Variants in PGM2 observed in about 807,000 individuals in gnomAD.
PGM2 encodes phosphopentomutase.
PGM2 carries 57 observed loss-of-function variants against 74.6 expected under a neutral mutation model. The ratio of observed to expected loss-of-function variants is 0.76; its 90% confidence interval spans 0.62 to 0.95. The LOEUF is 0.95. Ranked by LOEUF, PGM2 falls within the 40% of genes least tolerant of loss-of-function variation. The pLI, the probability that PGM2 is intolerant of heterozygous loss-of-function variation, is 0.00. For synonymous variants in PGM2, 273 were observed against 260.7 expected (o/e 1.05, Z -0.46); for missense variants, 706 against 741.9 (o/e 0.95, Z 0.56).
At chr4:37,842,966 A>G (rs563359027) in intron 6 of PGM2, among the ~76,000 whole-genome samples, 1 of 152,288 alleles carries the variant, frequency 6.6e-6, no homozygotes, top group African/African-American at 2.4e-5. Context: ...CCCGGTCAAC[A>G]TGTAATTTCA....
intron 12 of PGM2, among the ~76,000 whole-genome samples, chr4:37,855,122 C>G (rs192064717): frequency 6.6e-6 from 1 of 152,108 alleles, no homozygotes; most frequent in African/African-American, 2.4e-5. Flanking sequence ...TACAATAGAT[C>G]TCTTGAACTT....
At chr4:37,845,533 G>C (rs1725847725) in intron 7 of PGM2, 100 bp from the exon 8 acceptor site, 1 of 787,570 alleles carries the variant, frequency 1.3e-6, no homozygotes, top group South Asian at 1.5e-5. Context: ...TTCTAAGAGG[G>C]GAAAGACCTC....
chr4:37,860,656 G>A (rs1711741492), intron 13 of PGM2, among the ~76,000 whole-genome samples: 1 of 152,162 alleles, frequency 6.6e-6, no homozygotes, highest in South Asian at 2.1e-4. Context: ...TATTAAAGAT[G>A]GTATGAAGAG....
intron 11 of PGM2, among the ~76,000 whole-genome samples, 170 bp from the exon 12 acceptor site, chr4:37,850,014 C>T (rs1192719450): frequency 6.6e-6 from 1 of 152,042 alleles, no homozygotes; most frequent in Non-Finnish European, 1.5e-5. Context: ...TCTCATACTC[C>T]TGACCTCAGG....
At chr4:37,841,246 G>A (rs1725722564) in intron 6 of PGM2, among the ~76,000 whole-genome samples, 1 of 149,006 alleles carries the variant, frequency 6.7e-6, no homozygotes, top group Non-Finnish European at 1.5e-5. Context: ...TCCTGTGTTA[G>A]TCCCTATTAG....
At chr4:37,830,221 T>C in intron 2 of PGM2, 90 bp downstream of exon 2, 3 of 994,864 alleles carry the variant, frequency 3.0e-6, no homozygotes. Flanking sequence ...ATTATAGACA[T>C]GTCTTACCAG....
chr4:37,841,838 G>A (rs558689120), intron 6 of PGM2, among the ~76,000 whole-genome samples: 3 of 152,300 alleles, frequency 2.0e-5, no homozygotes, highest in South Asian at 4.1e-4. Context: ...GGGTGTGTGC[G>A]CGCGTGCATG....
chr4:37,835,504 C>T (rs1260794263), intron 3 of PGM2, among the ~76,000 whole-genome samples: 1 of 152,202 alleles, frequency 6.6e-6, no homozygotes, highest in African/African-American at 2.4e-5. Flanking sequence ...GTTACCAACC[C>T]CTGCCCGTAA....
In PGM2 at chr4:37,845,694, A is replaced by G. The variant is rs760146438; in HGVS notation, c.971A>G (p.Asp324Gly). 4 of 1,613,330 alleles carry G rather than the reference A, an allele frequency of 2.5e-6. No homozygotes were observed. The South Asian group carries it at 3.3e-5, about 13-fold the overall frequency. Residue 324 changes from aspartate (D) to glycine (G), a missense_variant, in exon 8 of 14, where the codon GAT (aspartate) becomes GGT (glycine). Coordinates refer to ENST00000381967, the MANE Select transcript of PGM2 (RefSeq NM_018290.4). ...KARIVLANDP[D>G]ADRLAVAEKQ... ...AGAATTGTTTTAGCTAACGACCCGG[A>G]TGCTGATAGACTTGCTGTGGCAGAA...
intron 13 of PGM2, among the ~76,000 whole-genome samples, chr4:37,859,240 A>T (rs934843813): frequency 1.3e-5 from 2 of 152,334 alleles, no homozygotes; most frequent in Middle Eastern, 3.4e-3. Flanking sequence ...TTCACTCCTG[A>T]TATTTCAGTA....
At chr4:37,829,427 T>A in intron 1 of PGM2, among the ~76,000 whole-genome samples, 1 of 150,228 alleles carries the variant, frequency 6.7e-6, no homozygotes, top group African/African-American at 2.5e-5. Flanking sequence ...TTATAAAACA[T>A]TACAAAAGTA....
At chr4:37,848,142 A>G (rs965572554) in intron 10 of PGM2, among the ~76,000 whole-genome samples, 9 of 152,244 alleles carry the variant, frequency 5.9e-5, no homozygotes, top group Non-Finnish European at 1.0e-4. Flanking sequence ...GATTTAGTTA[A>G]GTAATCACAC....
intron 12 of PGM2, among the ~76,000 whole-genome samples, chr4:37,851,970 C>T (rs6844129): frequency 0.43 from 55,827 of 130,950 alleles, 13,859 homozygotes; most frequent in Non-Finnish European, 0.57. Context: ...TGTTTGTTTT[C>T]TTTTTTTTTG....
intron 13 of PGM2, among the ~76,000 whole-genome samples, chr4:37,856,204 T>G (rs2995933): frequency 1.3e-5 from 2 of 150,840 alleles, no homozygotes; most frequent in African/African-American, 4.9e-5. Context: ...GCTAACACGG[T>G]GAAACCCCGT....
intron 4 of PGM2, among the ~76,000 whole-genome samples, chr4:37,838,399 A>C (rs114561943): frequency 6.6e-6 from 1 of 152,196 alleles, no homozygotes; most frequent in East Asian, 1.9e-4. Flanking sequence ...ACTTTCATCA[A>C]ATCCTTCATG....
chr4:37,826,850 G>A (rs1356344859), intron 1 of PGM2, 37 bp downstream of exon 1: 1 of 1,384,434 alleles, frequency 7.2e-7, no homozygotes, highest in Non-Finnish European at 1.0e-6. Context: ...GCCTGGAGCG[G>A]GGCCGGGTGC....
intron 4 of PGM2, among the ~76,000 whole-genome samples, chr4:37,838,098 C>T (rs1295302139): frequency 6.6e-6 from 1 of 152,206 alleles, no homozygotes; most frequent in Non-Finnish European, 1.5e-5. Context: ...CCACGCTAGT[C>T]TCGAACTCCT....
rs1170917989 is a variant in PGM2 at position 37,826,768 on chromosome 4, C to A, written c.36C>A (p.Asp12Glu). 1 of 1,549,766 alleles carries A rather than the reference C, an allele frequency of 6.5e-7. No individual in the cohort carries two copies. The highest frequency in any genetic ancestry group is 1.7e-4 in the Middle Eastern group (1 of 5,968). Residue 12 changes from aspartate (D) to glutamate (E), a missense_variant, in exon 1 of 14, where the codon GAC becomes GAA. Asp to Glu is a conservative substitution (Grantham distance 45). Coordinates refer to ENST00000381967, the MANE Select transcript of PGM2 (RefSeq NM_018290.4). ...AAPEGSGLGE[D>E]ARLDQETAQW... ...CAGAAGGCAGCGGTCTAGGCGAGGA[C>A]GCCCGGCTGGACCAGGAGACCGCCC...
chr4:37,828,610 T>TA (rs1434801128), intron 1 of PGM2, among the ~76,000 whole-genome samples: 1 of 152,224 alleles, frequency 6.6e-6, no homozygotes, highest in African/African-American at 2.4e-5. Flanking sequence ...GATCCTGCTG[T>TA]ACTCTTGACT....
Sources: allele counts gnomAD v4.1 joint callset (sites outside exome capture counted in the v4.1 genomes callset), GRCh38; gene constraint gnomAD v4.1.1; transcripts MANE v1.5; gene names NCBI Gene and HGNC (gene_info 2026-07-23, HGNC 2026-07-21).